The following DEPTOR variants were observed in gnomAD, a reference collection of about 807,000 sequenced individuals.
DEPTOR encodes DEP domain-containing mTOR-interacting protein.
In DEPTOR, 41 loss-of-function variants were observed where a neutral mutation model predicts 41.6. That is an observed-to-expected ratio of 0.98 (90% confidence interval 0.77 to 1.28). The LOEUF is 1.28. Among genes scored for constraint, DEPTOR ranks in the 50% most tolerant of loss-of-function variants. The pLI is 0.00. For missense variants in DEPTOR, 514 were observed against 527.9 expected (o/e 0.97, Z 0.26); for synonymous variants, 195 against 192.3 (o/e 1.01, Z -0.12).
intron 6 of DEPTOR, among the ~76,000 whole-genome samples, chr8:120,005,664 G>A (rs1314826928): frequency 6.6e-6 from 1 of 152,178 alleles, no homozygotes; most frequent in South Asian, 2.1e-4. Flanking sequence ...TGCAGAGCTG[G>A]ATTAGAATGG....
intron 3 of DEPTOR, among the ~76,000 whole-genome samples, chr8:119,938,927 T>G (rs944962717): frequency 6.9e-6 from 1 of 145,566 alleles, no homozygotes; most frequent in South Asian, 2.4e-4. Flanking sequence ...TTCTTTCTTT[T>G]CATTGTGTTC....
At chr8:119,996,525 G>T (rs11986628) in intron 4 of DEPTOR, among the ~76,000 whole-genome samples, 99,484 of 151,972 alleles carry the variant, frequency 0.65, 33,619 homozygotes, top group Middle Eastern at 0.76. Flanking sequence ...TTTGATCTTA[G>T]ATAGTATGTT....
intron 8 of DEPTOR, among the ~76,000 whole-genome samples, chr8:120,012,869 A>G (rs530746622): frequency 6.6e-6 from 1 of 152,026 alleles, no homozygotes; most frequent in East Asian, 2.0e-4. Context: ...TTATAAGATG[A>G]TGGGAGGCCA....
intron 5 of DEPTOR, 26 bp from the exon 6 acceptor site, chr8:120,002,951 C>T (rs1812377244): frequency 1.3e-6 from 2 of 1,549,948 alleles, no homozygotes; most frequent in Non-Finnish European, 8.7e-7. Flanking sequence ...CCCTTGGTGA[C>T]TGTGTGTGTT....
intron 4 of DEPTOR, among the ~76,000 whole-genome samples, chr8:119,979,421 C>T (rs553155553): frequency 4.9e-4 from 74 of 151,864 alleles, no homozygotes; most frequent in African/African-American, 1.7e-3. Flanking sequence ...GGACTATGGG[C>T]GTGGCTAATT....
At chr8:119,957,611 C>A (rs1394425641) in intron 3 of DEPTOR, among the ~76,000 whole-genome samples, 3 of 144,464 alleles carry the variant, frequency 2.1e-5, no homozygotes, top group African/African-American at 7.8e-5. Flanking sequence ...TTTTTTCAGA[C>A]AGAGTCTTGC....
At chr8:120,028,340 A>G (rs1812833012) in intron 8 of DEPTOR, among the ~76,000 whole-genome samples, 1 of 151,092 alleles carries the variant, frequency 6.6e-6, no homozygotes, top group African/African-American at 2.4e-5. Flanking sequence ...TACTTTTGAC[A>G]TTGCAGTATT....
intron 1 of DEPTOR, among the ~76,000 whole-genome samples, chr8:119,890,662 A>G (rs1021104743): frequency 6.6e-5 from 10 of 152,144 alleles, no homozygotes; most frequent in African/African-American, 2.4e-4. Context: ...TAGTGATAGC[A>G]ATGTTGTCAT....
chr8:120,025,509 G>C (rs1156506651), intron 8 of DEPTOR, among the ~76,000 whole-genome samples: 1 of 152,136 alleles, frequency 6.6e-6, no homozygotes, highest in Non-Finnish European at 1.5e-5. Flanking sequence ...ACTGGAACAG[G>C]AATTATGGAG....
At chr8:119,974,376 C>T (rs546949182) in intron 4 of DEPTOR, among the ~76,000 whole-genome samples, 6 of 151,396 alleles carry the variant, frequency 4.0e-5, no homozygotes, top group Non-Finnish European at 8.8e-5. Flanking sequence ...TAACAAAGGA[C>T]GGACTAACAA....
At chr8:119,959,318 A>G (rs1828459680) in intron 3 of DEPTOR, among the ~76,000 whole-genome samples, 1 of 149,540 alleles carries the variant, frequency 6.7e-6, no homozygotes, top group Non-Finnish European at 1.5e-5. Flanking sequence ...GCCCACCACC[A>G]CGCCCAGCTA....
At chr8:119,965,554 G>C (rs1828548621) in intron 4 of DEPTOR, 144 bp downstream of exon 4, 1 of 1,078,732 alleles carries the variant, frequency 9.3e-7, no homozygotes, top group Non-Finnish European at 1.3e-6. Context: ...TCCAAGTTGG[G>C]GGTCAAATTC....
At chr8:120,001,414 A>G in intron 4 of DEPTOR, 111 bp from the exon 5 acceptor site, 1 of 943,542 alleles carries the variant, frequency 1.1e-6, no homozygotes, top group South Asian at 2.3e-5. Context: ...TCTGTGGAAG[A>G]GAAGTCTTTC....
At chr8:120,046,302 T>TA (rs1010163409) in intron 8 of DEPTOR, among the ~76,000 whole-genome samples, 3 of 152,134 alleles carry the variant, frequency 2.0e-5, no homozygotes, top group African/African-American at 7.2e-5. Flanking sequence ...AGAGCATTTT[T>TA]ATCACCCCTA....
In DEPTOR at chr8:119,985,026, AGCTGGGTGTAGTGGCAGGT is replaced by A. The variant is rs576830586; in HGVS notation, c.605-16496_605-16478del. Among the ~76,000 whole-genome samples, 115 of 152,322 alleles carry A rather than the reference AGCTGGGTGTAGTGGCAGGT, an allele frequency of 7.5e-4. 1 individual carries two copies. The highest frequency in any genetic ancestry group is 2.6e-3 in the African/African-American group (107 of 41,578). ...ATAGTGACTAAAAATACAAAAAATT[AGCTGGGTGTAGTGGCAGGT>A]GCCTGTAATCCCAGCTACTTGGGAG... On this transcript the variant is annotated intron_variant, in intron 4 of 8. Transcript: ENST00000286234.
chr8:119,973,417 A>T (rs1282683446), intron 4 of DEPTOR, among the ~76,000 whole-genome samples: 1 of 152,112 alleles, frequency 6.6e-6, no homozygotes, highest in African/African-American at 2.4e-5. Context: ...AATTTTTCAT[A>T]GAGACGGGGG....
intron 1 of DEPTOR, among the ~76,000 whole-genome samples, chr8:119,903,009 T>G (rs1019411811): frequency 6.6e-6 from 1 of 152,164 alleles, no homozygotes; most frequent in Non-Finnish European, 1.5e-5. Context: ...GCAGGGTCTA[T>G]GTGTGTCTGT....
intron 4 of DEPTOR, among the ~76,000 whole-genome samples, chr8:119,974,785 G>A (rs370591684): frequency 4.0e-5 from 6 of 151,454 alleles, no homozygotes; most frequent in Admixed American, 2.0e-4. Context: ...AAAAAAAGGT[G>A]GGGGGGTGGG....
In DEPTOR at chr8:120,050,426, T is replaced by C. The variant is rs956569657; in HGVS notation, c.*722T>C. On this transcript the variant is annotated 3_prime_UTR_variant, in exon 9 of 9. Coordinates refer to ENST00000286234, the MANE Select transcript of DEPTOR (RefSeq NM_022783.4). The stretch of plus-strand genomic sequence containing the variant: ...AAATCATTTTGTTTTATAAATCAGC[T>C]ATAGCATCTTTCTAGAATTAATCCT... The C allele has an allele frequency of 6.6e-6, 1 of 152,232 alleles. No homozygotes were observed. The highest frequency in any genetic ancestry group is 1.5e-5 in the Non-Finnish European group (1 of 68,036). 9.4% of individuals were successfully genotyped at this position (152,232 alleles called of 1,614,324 possible). A position where few individuals can be genotyped will look rare whatever the true frequency, so the allele number is the denominator to read the frequency against.
Sources: allele counts gnomAD v4.1 joint callset (sites outside exome capture counted in the v4.1 genomes callset), GRCh38; gene constraint gnomAD v4.1.1; transcripts MANE v1.5; gene names NCBI Gene and HGNC (gene_info 2026-07-23, HGNC 2026-07-21).